The following SPAG16 variants were observed in gnomAD, a reference collection of about 807,000 sequenced individuals.
SPAG16 encodes sperm-associated antigen 16 protein.
Under a neutral mutation model 80.4 loss-of-function variants are expected in SPAG16, and 86 were observed. The ratio of observed to expected loss-of-function variants is 1.07; its 90% confidence interval spans 0.90 to 1.28. SPAG16 has a LOEUF of 1.28. Ranked by LOEUF, SPAG16 falls within the 50% of genes most tolerant of loss-of-function variation. The pLI is 0.00. For missense variants in SPAG16, 870 were observed against 765.3 expected, an observed-to-expected ratio of 1.14 and a Z score of -1.61; for synonymous variants, 294 against 265.9, an observed-to-expected ratio of 1.11 and a Z score of -1.03.
chr2:213,397,408 T>G (rs746601128), intron 9 of SPAG16, among the ~76,000 whole-genome samples: 3 of 152,194 alleles, frequency 2.0e-5, no homozygotes, highest in Non-Finnish European at 4.4e-5. Context: ...TTCTCCCTCC[T>G]TCATGAACAT....
At chr2:214,323,541 G>A (rs1696260086) in intron 15 of SPAG16, among the ~76,000 whole-genome samples, 1 of 152,148 alleles carries the variant, frequency 6.6e-6, no homozygotes, top group Non-Finnish European at 1.5e-5. Flanking sequence ...ACCCCTAAGT[G>A]TATTAAATCA....
intron 10 of SPAG16, among the ~76,000 whole-genome samples, chr2:213,541,862 A>G (rs1172277368): frequency 6.6e-6 from 1 of 152,182 alleles, no homozygotes; most frequent in African/African-American, 2.4e-5. Flanking sequence ...TCCATAATTT[A>G]AGTCCTACCC....
chr2:213,617,979 C>T (rs1452561356), intron 10 of SPAG16, among the ~76,000 whole-genome samples: 1 of 152,144 alleles, frequency 6.6e-6, no homozygotes, highest in Non-Finnish European at 1.5e-5. Context: ...CCCCTACACT[C>T]ACCTCAAAAG....
chr2:213,942,836 C>T (rs992838440), intron 12 of SPAG16, among the ~76,000 whole-genome samples: 1 of 152,122 alleles, frequency 6.6e-6, no homozygotes, highest in Non-Finnish European at 1.5e-5. Context: ...GAACTAAGTG[C>T]TTGTGTCCCT....
intron 10 of SPAG16, among the ~76,000 whole-genome samples, chr2:213,669,929 T>A (rs1372327076): frequency 1.3e-5 from 2 of 152,094 alleles, no homozygotes; most frequent in Non-Finnish European, 2.9e-5. Flanking sequence ...TCTTCCTGGG[T>A]GATTAGATTT....
intron 15 of SPAG16, among the ~76,000 whole-genome samples, chr2:214,348,035 G>C (rs1229975552): frequency 6.6e-6 from 1 of 152,184 alleles, no homozygotes; most frequent in Non-Finnish European, 1.5e-5. Context: ...ACGGACCAGT[G>C]ACTGCTGTGC....
chr2:213,497,228 G>A (rs556266816), intron 10 of SPAG16, among the ~76,000 whole-genome samples: 1 of 152,134 alleles, frequency 6.6e-6, no homozygotes, highest in South Asian at 2.1e-4. Context: ...TGTACAATAT[G>A]CAGCAAATAT....
In SPAG16 at chr2:214,014,813, G is replaced by A. The variant is rs78266769; in HGVS notation, c.1527+736G>A. 5.9e-4 allele frequency among the ~76,000 whole-genome samples: 90 copies of A among 152,196 alleles called. 1 individual carries two copies. The East Asian group carries it at 0.016, about 27-fold the overall frequency. On this transcript the variant is annotated intron_variant, in intron 13 of 15. Transcript: ENST00000331683. ...ATTAAGCAAACAGGGTGACATAATC[G>A]GATTTACCTTGTCAACTGAAGAGTG...
intron 10 of SPAG16, among the ~76,000 whole-genome samples, chr2:213,756,179 A>G (rs750176330): frequency 5.9e-5 from 9 of 152,148 alleles, no homozygotes; most frequent in Non-Finnish European, 1.3e-4. Context: ...TAGGTGTTAA[A>G]AAAAAGAAAA....
chr2:213,738,536 AC>A (rs1212145386), intron 10 of SPAG16, among the ~76,000 whole-genome samples: 3 of 152,192 alleles, frequency 2.0e-5, no homozygotes, highest in Non-Finnish European at 2.9e-5. Flanking sequence ...GAGAAGTACC[AC>A]TATAAAATTT....
intron 10 of SPAG16, among the ~76,000 whole-genome samples, chr2:213,546,917 G>T (rs138302098): frequency 1.4e-4 from 22 of 152,130 alleles, no homozygotes; most frequent in African/African-American, 5.1e-4. Context: ...ATACCCTTTG[G>T]AAGTTTAAAT....
chr2:213,354,891 GC>G (rs748202153), intron 7 of SPAG16, among the ~76,000 whole-genome samples: 1 of 152,028 alleles, frequency 6.6e-6, no homozygotes, highest in Non-Finnish European at 1.5e-5. Context: ...GTCAATTTTT[GC>G]TTTTGTTGCC....
At chr2:213,815,436 A>G (rs1055695930) in intron 10 of SPAG16, among the ~76,000 whole-genome samples, 1 of 152,184 alleles carries the variant, frequency 6.6e-6, no homozygotes, top group Non-Finnish European at 1.5e-5. Flanking sequence ...TTACTAAGCT[A>G]TACATTTATA....
chr2:213,334,125 T>C (rs1489095901), intron 5 of SPAG16, among the ~76,000 whole-genome samples: 2 of 151,982 alleles, frequency 1.3e-5, no homozygotes, highest in African/African-American at 4.8e-5. Context: ...AAAAGTCTAA[T>C]ACTCCAATTA....
At position 213,574,497 on chromosome 2, in the gene SPAG16, G is replaced by T. The variant is rs111986184; in HGVS notation, c.1070+84407G>T. Among the ~76,000 whole-genome samples, 120 of 151,956 alleles carry T rather than the reference G, an allele frequency of 7.9e-4. 2 individuals carry two copies. Among genetic ancestry groups the T allele is most frequent in the Middle Eastern group, 3.4e-3 (1 of 292 alleles). ...TTGGGCAGGGAGGAAAATCCCATGT[G>T]CCAAGAAGGATATTGTGAAATGAGC... On this transcript the variant is annotated intron_variant, in intron 10 of 15. Coordinates refer to ENST00000331683, the MANE Select transcript of SPAG16 (RefSeq NM_024532.5).
chr2:214,241,460 T>C (rs573305781), intron 15 of SPAG16: 1 of 152,298 alleles, frequency 6.6e-6, no homozygotes, highest in South Asian at 2.1e-4. Flanking sequence ...TTATGCACTA[T>C]TATTTGAAGG....
At chr2:213,863,082 C>G (rs1364858025) in intron 11 of SPAG16, among the ~76,000 whole-genome samples, 2 of 151,796 alleles carry the variant, frequency 1.3e-5, no homozygotes, top group Non-Finnish European at 2.9e-5. Context: ...AAGAACAAAG[C>G]AATACTGAGA....
rs1226955844 is a variant in SPAG16, at chr2:213,932,389, T to A, written c.1400+2244T>A. 5.9e-5 allele frequency among the ~76,000 whole-genome samples: 9 copies of A among 151,812 alleles called. No individual in the cohort carries two copies. In the South Asian group the frequency reaches 1.7e-3, roughly 28 times the overall value. On this transcript the variant is annotated intron_variant, in intron 12 of 15. Transcript: ENST00000331683. ...TGCCACCACACCTGGCTAATTTTTG[T>A]ATTTTTAGTAGAGACGGGGTTTCAC...
chr2:213,519,501 G>A (rs1235874617), intron 10 of SPAG16, among the ~76,000 whole-genome samples: 1 of 152,108 alleles, frequency 6.6e-6, no homozygotes, highest in African/African-American at 2.4e-5. Flanking sequence ...TTTGCCTGCC[G>A]CCATCCACAT....
Sources: gnomAD v4.1 joint callset for allele counts (sites outside exome capture counted in the v4.1 genomes callset) on GRCh38, gnomAD v4.1.1 for gene constraint, MANE v1.5 for transcripts, NCBI Gene and HGNC (gene_info 2026-07-23, HGNC 2026-07-21) for gene names.